PHACTR1: variants seen among roughly 807,000 people sequenced by gnomAD.
PHACTR1 encodes phosphatase and actin regulator 1.
In PHACTR1, 16 loss-of-function variants were observed where a neutral mutation model predicts 69.2. The ratio of observed to expected loss-of-function variants is 0.23; its 90% CI spans 0.16 to 0.35. The LOEUF (loss-of-function observed/expected upper bound fraction) is 0.35, where lower values mean the gene tolerates loss of function less well. PHACTR1 is among the 10% of genes least tolerant of loss of function. The pLI is 1.00. For missense variants in PHACTR1, 510 were observed against 734.7 expected (o/e 0.69, Z 3.54); for synonymous variants, 312 against 284.5 (o/e 1.10, Z -0.97).
intron 4 of PHACTR1, among the ~76,000 whole-genome samples, chr6:12,922,640 ACTC>A (rs1407758595): frequency 6.6e-6 from 1 of 152,064 alleles, no homozygotes; most frequent in Non-Finnish European, 1.5e-5. Flanking sequence ...TTTCCATTTC[ACTC>A]CTCCTACTAT....
At chr6:13,193,904 AG>A (rs1191710066) in intron 7 of PHACTR1, among the ~76,000 whole-genome samples, 1 of 152,060 alleles carries the variant, frequency 6.6e-6, no homozygotes, top group Non-Finnish European at 1.5e-5. Context: ...CAGAAGGCCC[AG>A]GTTCAACAGC....
intron 4 of PHACTR1, among the ~76,000 whole-genome samples, chr6:12,844,532 T>G (rs1319724653): frequency 1.3e-5 from 2 of 152,180 alleles, no homozygotes; most frequent in African/African-American, 4.8e-5. Flanking sequence ...GGCAAAGTTC[T>G]ATGCGTACAG....
chr6:13,145,602 T>C (rs1823214014), intron 5 of PHACTR1, among the ~76,000 whole-genome samples: 1 of 152,148 alleles, frequency 6.6e-6, no homozygotes, highest in Non-Finnish European at 1.5e-5. Flanking sequence ...GTAACTAAAG[T>C]TAAATGAGGT....
intron 7 of PHACTR1, among the ~76,000 whole-genome samples, chr6:13,186,327 A>G (rs1405007901): frequency 6.6e-6 from 1 of 152,210 alleles, no homozygotes; most frequent in Non-Finnish European, 1.5e-5. Context: ...ACTTGGTGAT[A>G]TATTGTAAAC....
chr6:13,034,766 A>C lies in PHACTR1; in HGVS notation c.251-18599A>C, dbSNP rs549616077. ...TTCTTGAACCAGCTCAATCCTGTAG[A>C]TGCAACTAATTTTTATAAGTATCAA... On this transcript the variant is annotated intron_variant, in intron 4 of 14. Coordinates refer to ENST00000332995, the MANE Select transcript of PHACTR1 (RefSeq NM_030948.6). Among the ~76,000 whole-genome samples, 24 of 152,328 alleles carry C rather than the reference A, an allele frequency of 1.6e-4. No individual in the cohort carries two copies. The South Asian group carries it at 5.0e-3, about 32-fold the overall frequency.
chr6:12,850,534 T>A (rs1218856073), intron 4 of PHACTR1, among the ~76,000 whole-genome samples: 1 of 152,248 alleles, frequency 6.6e-6, no homozygotes, highest in Non-Finnish European at 1.5e-5. Flanking sequence ...GGGTCTCCAG[T>A]AGCCTTTGGC....
chr6:13,254,160 G>A (rs561785976), intron 10 of PHACTR1, among the ~76,000 whole-genome samples: 16 of 152,218 alleles, frequency 1.1e-4, no homozygotes, highest in African/African-American at 2.9e-4. Flanking sequence ...CCCGGGAGGC[G>A]GAGGTTGCAG....
chr6:12,766,019 G>A (rs771337887), intron 4 of PHACTR1, among the ~76,000 whole-genome samples: 2 of 152,166 alleles, frequency 1.3e-5, no homozygotes, highest in Non-Finnish European at 2.9e-5. Context: ...ACCATAGTGT[G>A]TTTCTCCTCA....
chr6:12,736,542 A>G (rs889232610), intron 3 of PHACTR1, among the ~76,000 whole-genome samples: 1 of 152,204 alleles, frequency 6.6e-6, no homozygotes, highest in South Asian at 2.1e-4. Context: ...GGCAATATCT[A>G]TGGGCAAATA....
intron 4 of PHACTR1, among the ~76,000 whole-genome samples, chr6:12,985,274 AT>A (rs200915956): frequency 9.4e-6 from 1 of 106,582 alleles, no homozygotes; most frequent in Non-Finnish European, 1.8e-5. Flanking sequence ...CATAGGAAAA[AT>A]TAAGCCTAAG....
At chr6:12,981,230 A>G (rs1261775556) in intron 4 of PHACTR1, among the ~76,000 whole-genome samples, 1 of 152,242 alleles carries the variant, frequency 6.6e-6, no homozygotes, top group African/African-American at 2.4e-5. Flanking sequence ...CATAAATATA[A>G]TAGTATAAAA....
At chr6:13,010,134 AT>A (rs894250893) in intron 4 of PHACTR1, among the ~76,000 whole-genome samples, 7 of 148,624 alleles carry the variant, frequency 4.7e-5, no homozygotes, top group East Asian at 2.0e-4. Flanking sequence ...TTTCCTATTA[AT>A]TTTTTTTTTG....
chr6:13,083,638 T>C (rs1482446519), intron 5 of PHACTR1, among the ~76,000 whole-genome samples: 2 of 152,304 alleles, frequency 1.3e-5, no homozygotes, highest in African/African-American at 2.4e-5. Context: ...TGATTTGTAG[T>C]TCTCCTTGAA....
chr6:12,932,240 C>A (rs1011362140), intron 4 of PHACTR1, among the ~76,000 whole-genome samples: 1 of 152,130 alleles, frequency 6.6e-6, no homozygotes, highest in African/African-American at 2.4e-5. Flanking sequence ...AGCTTGGTTT[C>A]TCCTGGATCT....
chr6:13,019,850 C>T (rs1002415948), intron 4 of PHACTR1, among the ~76,000 whole-genome samples: 1 of 152,180 alleles, frequency 6.6e-6, no homozygotes, highest in Non-Finnish European at 1.5e-5. Context: ...GGTTCACTAA[C>T]TTATATATGA....
chr6:13,053,810 A>C (rs1382187867), intron 5 of PHACTR1, among the ~76,000 whole-genome samples: 1 of 152,230 alleles, frequency 6.6e-6, no homozygotes, highest in Non-Finnish European at 1.5e-5. Flanking sequence ...TGCCTTTTCT[A>C]TAATTGAATG....
At chr6:13,220,671 A>G (rs1350614547) in intron 8 of PHACTR1, among the ~76,000 whole-genome samples, 1 of 152,224 alleles carries the variant, frequency 6.6e-6, no homozygotes, top group Non-Finnish European at 1.5e-5. Flanking sequence ...CTTCTTAGGA[A>G]AAAGACCTCT....
chr6:12,977,988 C>T (rs867427261), intron 4 of PHACTR1, among the ~76,000 whole-genome samples: 2 of 152,220 alleles, frequency 1.3e-5, no homozygotes, highest in Non-Finnish European at 2.9e-5. Flanking sequence ...CATGTGAACA[C>T]GTGGCTAGGT....
At chr6:13,284,534 AAAAAAAAAAATATAT>A (rs1781081213) in intron 13 of PHACTR1, among the ~76,000 whole-genome samples, 1 of 110,326 alleles carries the variant, frequency 9.1e-6, no homozygotes, top group Non-Finnish European at 1.7e-5. Context: ...AAAAAAAAAA[AAAAAAAAAAATATAT>A]ATATATATAT....
Sources: allele counts gnomAD v4.1 joint callset (sites outside exome capture counted in the v4.1 genomes callset), GRCh38; gene constraint gnomAD v4.1.1; transcripts MANE v1.5; gene names NCBI Gene and HGNC (gene_info 2026-07-23, HGNC 2026-07-21).